The following IPMK variants were observed in gnomAD, a reference collection of about 807,000 sequenced individuals.
IPMK encodes inositol 1,3,4,6-tetrakisphosphate 5-kinase.
A neutral mutation model predicts 45.8 loss-of-function variants in IPMK; 17 were observed. The ratio of observed to expected loss-of-function variants is 0.37; its 90% CI spans 0.25 to 0.56. The LOEUF (loss-of-function observed/expected upper bound fraction) is 0.56, where lower values mean the gene tolerates loss of function less well. IPMK is among the 20% of genes least tolerant of loss of function. The pLI is 0.79. For missense variants in IPMK, 399 were observed against 498.0 expected (o/e 0.80, Z 1.89); for synonymous variants, 180 against 184.3 (o/e 0.98, Z 0.19).
intron 2 of IPMK, among the ~76,000 whole-genome samples, chr10:58,235,888 T>C (rs936537791): frequency 2.0e-5 from 3 of 150,948 alleles, no homozygotes; most frequent in African/African-American, 7.3e-5. Context: ...GTAAGTTCTA[T>C]CAAGCCTTTA....
chr10:58,212,678 G>T, intron 4 of IPMK: 1 of 250,308 alleles, frequency 4.0e-6, no homozygotes. Context: ...CAGCAAGGAT[G>T]TGCAGCCTCT....
intron 3 of IPMK, among the ~76,000 whole-genome samples, chr10:58,225,095 T>C (rs1475207419): frequency 2.0e-5 from 3 of 152,192 alleles, no homozygotes; most frequent in African/African-American, 4.8e-5. Flanking sequence ...TGTTATCATA[T>C]ACACTTTATT....
chr10:58,257,769 GTAA>G (rs1838994468), intron 1 of IPMK, among the ~76,000 whole-genome samples: 1 of 152,078 alleles, frequency 6.6e-6, no homozygotes, highest in Admixed American at 6.6e-5. Flanking sequence ...GTTTGATATA[GTAA>G]TATTATATAT....
In IPMK at chr10:58,266,562, C is replaced by G. The variant is rs576010503; in HGVS notation, c.190+860G>C. ...GTTTTACCGGCATAAACTAAATTGTCTCTAGTGGCTCTTCCGGGTCAAAGA... is the reference window on the plus strand; with the variant it reads ...GTTTTACCGGCATAAACTAAATTGTGTCTAGTGGCTCTTCCGGGTCAAAGA... On this transcript the variant is annotated intron_variant, in intron 1 of 5. Transcript: ENST00000373935. Among the ~76,000 whole-genome samples, 227 of 152,286 alleles carry G rather than the reference C, an allele frequency of 1.5e-3. 4 individuals carry two copies. Among genetic ancestry groups the G allele is most frequent in the South Asian group, 9.3e-3 (45 of 4,830 alleles).
chr10:58,263,828 A>T (rs979918680), intron 1 of IPMK, among the ~76,000 whole-genome samples: 9 of 152,222 alleles, frequency 5.9e-5, no homozygotes, highest in Non-Finnish European at 7.3e-5. Context: ...TCTGAATCCC[A>T]TCGTAAGGAA....
chr10:58,263,796 T>C (rs1839109610), intron 1 of IPMK, among the ~76,000 whole-genome samples: 1 of 152,208 alleles, frequency 6.6e-6, no homozygotes, highest in Non-Finnish European at 1.5e-5. Flanking sequence ...ACTTACACAA[T>C]GTTCCAGCTG....
chr10:58,211,071 A>G (rs886172915), intron 4 of IPMK, among the ~76,000 whole-genome samples: 3 of 152,252 alleles, frequency 2.0e-5, no homozygotes, highest in Non-Finnish European at 4.4e-5. Context: ...TAAAATAACA[A>G]AACTGAACTT....
chr10:58,267,317 C>G, intron 1 of IPMK, 105 bp downstream of exon 1: 1 of 1,141,644 alleles, frequency 8.8e-7, no homozygotes, highest in Non-Finnish European at 1.3e-6. Context: ...GGCGTGCACA[C>G]CAGGGGGGCG....
Position 58,191,760 on chromosome 10 carries a change from T to C in IPMK, c.*4316A>G, listed in dbSNP as rs1837821874. 1 of 152,102 alleles carries C rather than the reference T, an allele frequency of 6.6e-6. No homozygotes were observed. Among genetic ancestry groups the C allele is most frequent in the South Asian group, 2.1e-4 (1 of 4,830 alleles). The allele number at this position is 152,102 out of a possible 1,614,324, so 9.4% of individuals were successfully genotyped here. ...CCAAAGTAACTGTGACTAAATACAT[T>C]CATTCATCAAGTACAATAAATTTAG... is the stretch of plus-strand genomic sequence containing the variant. On this transcript the variant is annotated 3_prime_UTR_variant, in exon 6 of 6. Transcript: ENST00000373935.
chr10:58,225,273 G>C (rs1392926978), intron 3 of IPMK, among the ~76,000 whole-genome samples: 1 of 152,016 alleles, frequency 6.6e-6, no homozygotes, highest in African/African-American at 2.4e-5. Flanking sequence ...CAACTTGGTG[G>C]TATTACTTTC....
chr10:58,211,788 C>T (rs1015689714), intron 4 of IPMK, among the ~76,000 whole-genome samples: 1 of 105,092 alleles, frequency 9.5e-6, no homozygotes, highest in Non-Finnish European at 1.9e-5. Context: ...TGGCACATGC[C>T]TGTAGTCCCA....
rs563453760 is a variant in IPMK at position 58,243,514 on chromosome 10, C to A, written c.191-5700G>T. The stretch of plus-strand genomic sequence containing the variant: ...CCTGCCGAGTGCCTGTGATTCCAGG[C>A]ACGTGCCGCCACTCCTGACTGGTTT... On this transcript the variant is annotated intron_variant, in intron 1 of 5. Transcript: ENST00000373935. Among the ~76,000 whole-genome samples the A allele has an allele frequency of 1.4e-4, 22 of 152,312 alleles. No homozygotes were observed. In the East Asian group the frequency reaches 4.3e-3, roughly 30 times the overall value.
chr10:58,194,820 TTAAA>T lies in IPMK; in HGVS notation c.*1252_*1255del, dbSNP rs1837868614. 2 of 151,974 alleles carry T rather than the reference TTAAA, an allele frequency of 1.3e-5. No homozygotes were observed. Among genetic ancestry groups the T allele is most frequent in the Non-Finnish European group, 2.9e-5 (2 of 67,832 alleles). 9.4% of individuals were successfully genotyped at this position (151,974 alleles called of 1,614,324 possible). A position where few individuals can be genotyped will look rare whatever the true frequency, so the allele number is the denominator to read the frequency against. On this transcript the variant is annotated 3_prime_UTR_variant, in exon 6 of 6. Coordinates refer to ENST00000373935, the MANE Select transcript of IPMK (RefSeq NM_152230.5). ...CAAATGTATTTGAAGACTCAAAGTTTTAAATGTTTTAAATGACAAATAACTAGTT... is the reference window on the plus strand; with the variant it reads ...CAAATGTATTTGAAGACTCAAAGTTTTGTTTTAAATGACAAATAACTAGTT...
At chr10:58,238,799 C>T (rs1838653594) in intron 1 of IPMK, among the ~76,000 whole-genome samples, 1 of 151,218 alleles carries the variant, frequency 6.6e-6, no homozygotes, top group Non-Finnish European at 1.5e-5. Context: ...AGAATTCAGC[C>T]AACAGAAGCA....
chr10:58,252,436 GT>G lies in IPMK; in HGVS notation c.191-14623del, dbSNP rs201330209. Among the ~76,000 whole-genome samples the G allele has an allele frequency of 8.6e-3, 1,116 of 129,974 alleles. 8 individuals carry two copies. Among genetic ancestry groups the G allele is most frequent in the African/African-American group, 0.019 (719 of 37,076 alleles). The allele number at this position is 129,974 out of a possible 152,430, so 85.3% of individuals were successfully genotyped here. A position where few individuals can be genotyped will look rare whatever the true frequency, so the allele number is the denominator to read the frequency against. ...GTATTAGAGTATTCTGAATTTGACT[GT>G]TTTTTTTTTTTTTTTTAAGGTTTAC... is the stretch of plus-strand genomic sequence containing the variant. On this transcript the variant is annotated intron_variant, in intron 1 of 5. Transcript: ENST00000373935.
intron 4 of IPMK, among the ~76,000 whole-genome samples, chr10:58,214,173 T>C (rs1160800575): frequency 1.3e-5 from 2 of 152,020 alleles, no homozygotes; most frequent in Non-Finnish European, 2.9e-5. Context: ...AAATCAATAG[T>C]ATAAGGTTCT....
Position 58,211,746 on chromosome 10 carries a change from T to TA in IPMK, c.546+4398dup, listed in dbSNP as rs143924439. Among the ~76,000 whole-genome samples, 818 of 130,096 alleles carry TA rather than the reference T, an allele frequency of 6.3e-3. 8 individuals carry two copies. The highest frequency in any genetic ancestry group is 0.017 in the African/African-American group (618 of 35,354). The allele number at this position is 130,096 out of a possible 152,430, so 85.3% of individuals were successfully genotyped here. Reference sequence around the variant, plus strand: ...AGCAACAATGAAACCTCATCTGTACTAAAAAAAAAAAAAAAAATCAGCCAA... The same window carrying TA: ...AGCAACAATGAAACCTCATCTGTACTAAAAAAAAAAAAAAAAAATCAGCCAA... On this transcript the variant is annotated intron_variant, in intron 4 of 5. Coordinates refer to ENST00000373935, the MANE Select transcript of IPMK (RefSeq NM_152230.5).
chr10:58,211,828 T>TC (rs139451297), intron 4 of IPMK, among the ~76,000 whole-genome samples: 136,367 of 144,706 alleles, frequency 0.94, 64,017 homozygotes, highest in African/African-American at 0.99. Context: ...GGCAGGAGGA[T>TC]CCGGAACCCA....
At chr10:58,214,676 T>TTTGAG (rs1379910805) in intron 4 of IPMK, among the ~76,000 whole-genome samples, 1 of 152,224 alleles carries the variant, frequency 6.6e-6, no homozygotes, top group East Asian at 1.9e-4. Context: ...AGCTCTTCTG[T>TTTGAG]TTAAAACTCA....
Sources: allele counts gnomAD v4.1 joint callset (sites outside exome capture counted in the v4.1 genomes callset), GRCh38; gene constraint gnomAD v4.1.1; transcripts MANE v1.5; gene names NCBI Gene and HGNC (gene_info 2026-07-23, HGNC 2026-07-21).